Variants in PARD3 observed in about 807,000 individuals in gnomAD.
PARD3 encodes the protein par-3 family cell polarity regulator.
PARD3 carries 75 observed loss-of-function variants against 155.4 expected under a neutral mutation model. That is an observed-to-expected ratio of 0.48 (90% confidence interval 0.40 to 0.58). The LOEUF is 0.58. Among genes scored for constraint, PARD3 ranks in the 20% least tolerant of loss-of-function variants. The pLI is 0.00. For missense variants in PARD3, 1,642 were observed against 1,721.7 expected (o/e 0.95, Z 0.82); for synonymous variants, 576 against 610.5 (o/e 0.94, Z 0.83).
At chr10:34,540,458 A>G (rs1158767566) in intron 2 of PARD3, among the ~76,000 whole-genome samples, 2 of 152,156 alleles carry the variant, frequency 1.3e-5, no homozygotes, top group Non-Finnish European at 2.9e-5. Context: ...TAAGTATACA[A>G]TGTTTCCTTT....
chr10:34,357,505 T>C (rs1049339379), intron 14 of PARD3, among the ~76,000 whole-genome samples: 2 of 152,220 alleles, frequency 1.3e-5, no homozygotes, highest in African/African-American at 4.8e-5. Flanking sequence ...TGATATGTTT[T>C]GTAAACTTAC....
chr10:34,521,456 T>C (rs1346341099), intron 2 of PARD3, among the ~76,000 whole-genome samples: 2 of 151,570 alleles, frequency 1.3e-5, no homozygotes, highest in Non-Finnish European at 2.9e-5. Context: ...AAAGGAAAAG[T>C]CTTTTAAATT....
At chr10:34,438,465 GT>G (rs1331421244) in intron 5 of PARD3, among the ~76,000 whole-genome samples, 1 of 152,044 alleles carries the variant, frequency 6.6e-6, no homozygotes, top group Non-Finnish European at 1.5e-5. Context: ...ATAATCTACA[GT>G]TTATAGCCCA....
At chr10:34,792,330 C>A (rs1358840384) in intron 1 of PARD3, among the ~76,000 whole-genome samples, 1 of 152,178 alleles carries the variant, frequency 6.6e-6, no homozygotes, top group African/African-American at 2.4e-5. Flanking sequence ...AGCGACGCGC[C>A]TGCCTCAGCC....
At chr10:34,782,041 A>G (rs1312549906) in intron 1 of PARD3, among the ~76,000 whole-genome samples, 1 of 152,244 alleles carries the variant, frequency 6.6e-6, no homozygotes, top group Non-Finnish European at 1.5e-5. Context: ...GATTTTTTAG[A>G]TATTTTTAAC....
chr10:34,665,838 T>TAAAGA lies in PARD3; in HGVS notation c.222+30475_222+30479dup, dbSNP rs1491514032. Among the ~76,000 whole-genome samples, 839 of 99,612 alleles carry TAAAGA rather than the reference T, an allele frequency of 8.4e-3. 26 individuals carry two copies. Among genetic ancestry groups the TAAAGA allele is most frequent in the African/African-American group, 0.032 (798 of 24,938 alleles). The allele number at this position is 99,612 out of a possible 152,430, so 65.3% of individuals were successfully genotyped here. A position where few individuals can be genotyped will look rare whatever the true frequency, so the allele number is the denominator to read the frequency against. ...GGGCTTTTTGAGACTTCGTCTCAAT[T>TAAAGA]AAAGAACAGAACAGAACAGAACAGA... On this transcript the variant is annotated intron_variant, in intron 2 of 24. Coordinates refer to ENST00000374788, the MANE Select transcript of PARD3 (RefSeq NM_001184785.2).
intron 5 of PARD3, among the ~76,000 whole-genome samples, chr10:34,436,770 A>C (rs1416233345): frequency 6.6e-6 from 1 of 152,188 alleles, no homozygotes. Flanking sequence ...AAAAATGGAC[A>C]CCTTTTATGT....
chr10:34,640,252 C>A (rs561592660), intron 2 of PARD3, among the ~76,000 whole-genome samples: 17 of 152,328 alleles, frequency 1.1e-4, no homozygotes, highest in African/African-American at 4.1e-4. Context: ...AGGGTCTGGG[C>A]ACCCTGAAAC....
At chr10:34,600,914 A>G (rs575278842) in intron 2 of PARD3, among the ~76,000 whole-genome samples, 1 of 150,890 alleles carries the variant, frequency 6.6e-6, no homozygotes, top group Non-Finnish European at 1.5e-5. Flanking sequence ...CAGCCTCCCA[A>G]GCAGCTGAGA....
intron 22 of PARD3, among the ~76,000 whole-genome samples, chr10:34,190,731 T>C (rs532867265): frequency 7.2e-5 from 11 of 152,186 alleles, no homozygotes; most frequent in Admixed American, 5.2e-4. Flanking sequence ...AGGCCGGGAA[T>C]GCAACAAAAG....
chr10:34,427,434 A>C (rs917546741), intron 5 of PARD3, among the ~76,000 whole-genome samples: 1 of 152,208 alleles, frequency 6.6e-6, no homozygotes, highest in Admixed American at 6.5e-5. Flanking sequence ...TGCTAGGATT[A>C]GGAAATTCCA....
At chr10:34,357,782 T>C (rs961912035) in intron 14 of PARD3, among the ~76,000 whole-genome samples, 1 of 152,228 alleles carries the variant, frequency 6.6e-6, no homozygotes, top group Admixed American at 6.5e-5. Flanking sequence ...TGTTGATTAC[T>C]GTTAACTCAT....
At chr10:34,756,315 G>T (rs1271564495) in intron 1 of PARD3, among the ~76,000 whole-genome samples, 1 of 151,030 alleles carries the variant, frequency 6.6e-6, no homozygotes, top group Non-Finnish European at 1.5e-5. Flanking sequence ...CACCACACCT[G>T]GCTAATTTTT....
At chr10:34,386,881 A>T (rs146848849) in intron 7 of PARD3, among the ~76,000 whole-genome samples, 2 of 152,288 alleles carry the variant, frequency 1.3e-5, no homozygotes, top group African/African-American at 4.8e-5. Context: ...GAAGATTAAT[A>T]CAAGAAATTA....
chr10:34,214,965 G>A (rs893568019), intron 22 of PARD3, among the ~76,000 whole-genome samples: 2 of 152,152 alleles, frequency 1.3e-5, no homozygotes, highest in Non-Finnish European at 2.9e-5. Flanking sequence ...TTTGTTAAGG[G>A]TTGTCAGATC....
At chr10:34,251,641 T>C (rs1309294097) in intron 22 of PARD3, among the ~76,000 whole-genome samples, 1 of 152,154 alleles carries the variant, frequency 6.6e-6, no homozygotes, top group Non-Finnish European at 1.5e-5. Context: ...AAATCCTCTT[T>C]TGCTCTTCCC....
intron 22 of PARD3, among the ~76,000 whole-genome samples, chr10:34,135,704 C>G (rs1003988692): frequency 6.6e-6 from 1 of 152,242 alleles, no homozygotes; most frequent in African/African-American, 2.4e-5. Context: ...TCCTTAGGTA[C>G]GATGAGAGGG....
intron 2 of PARD3, among the ~76,000 whole-genome samples, chr10:34,528,398 A>C (rs1193475067): frequency 6.6e-6 from 1 of 152,204 alleles, no homozygotes. Context: ...GTTTGCCAGG[A>C]ATTCCACTCA....
At chr10:34,813,889 T>G (rs906653920) in intron 1 of PARD3, among the ~76,000 whole-genome samples, 4 of 152,206 alleles carry the variant, frequency 2.6e-5, no homozygotes, top group Non-Finnish European at 5.9e-5. Flanking sequence ...CCCGGGTGCT[T>G]GGGAGAAACT....
Sources: gnomAD v4.1 joint callset for allele counts (sites outside exome capture counted in the v4.1 genomes callset) on GRCh38, gnomAD v4.1.1 for gene constraint, MANE v1.5 for transcripts, NCBI Gene and HGNC (gene_info 2026-07-23, HGNC 2026-07-21) for gene names.